The following SCFD2 variants were observed in gnomAD, a reference collection of about 807,000 sequenced individuals.
SCFD2 encodes the protein sec1 family domain containing 2.
SCFD2 carries 54 observed loss-of-function variants against 58.9 expected under a neutral mutation model. The ratio of observed to expected loss-of-function variants is 0.92; its 90% confidence interval spans 0.74 to 1.15. The LOEUF (loss-of-function observed/expected upper bound fraction) is 1.15. Ranked by LOEUF, SCFD2 falls within the 50% of genes most tolerant of loss-of-function variation. The probability of loss-of-function intolerance (pLI) is 0.00; values close to 1 mark genes in which losing one functional copy is unlikely to be tolerated. For missense variants in SCFD2, 805 were observed against 836.6 expected (o/e 0.96, Z 0.47); for synonymous variants, 321 against 335.9 (o/e 0.96, Z 0.49).
intron 4 of SCFD2, among the ~76,000 whole-genome samples, chr4:53,167,572 G>A (rs149900517): frequency 6.6e-6 from 1 of 152,234 alleles, no homozygotes; most frequent in African/African-American, 2.4e-5. Context: ...CTAGCTCCTA[G>A]GCTTTTTCTG....
At chr4:53,146,190 A>C (rs975218465) in intron 4 of SCFD2, among the ~76,000 whole-genome samples, 6 of 152,020 alleles carry the variant, frequency 3.9e-5, no homozygotes, top group Admixed American at 3.3e-4. Flanking sequence ...CATTAAATTT[A>C]AAAAAATTGC....
chr4:53,053,889 C>A (rs1723252154), intron 5 of SCFD2, among the ~76,000 whole-genome samples: 1 of 152,116 alleles, frequency 6.6e-6, no homozygotes, highest in Non-Finnish European at 1.5e-5. Context: ...AAGATCAAAT[C>A]AGTATAATTG....
intron 5 of SCFD2, among the ~76,000 whole-genome samples, chr4:53,064,437 GT>G (rs34499023): frequency 0.62 from 94,354 of 151,944 alleles, 29,782 homozygotes; most frequent in African/African-American, 0.74. Flanking sequence ...AAATGGAAGG[GT>G]GGAGACTTAT....
intron 4 of SCFD2, among the ~76,000 whole-genome samples, chr4:53,246,522 G>C (rs1168050321): frequency 1.3e-5 from 2 of 152,140 alleles, no homozygotes; most frequent in Non-Finnish European, 1.5e-5. Context: ...GAACAGAATA[G>C]AGAGCCCAGA....
chr4:53,156,558 T>C (rs1022175375), intron 4 of SCFD2, among the ~76,000 whole-genome samples: 1 of 151,722 alleles, frequency 6.6e-6, no homozygotes. Flanking sequence ...ATTAGCCGGG[T>C]GTGGTGGCAG....
At chr4:53,002,543 T>G (rs1721886536) in intron 5 of SCFD2, among the ~76,000 whole-genome samples, 1 of 152,176 alleles carries the variant, frequency 6.6e-6, no homozygotes, top group South Asian at 2.1e-4. Context: ...AATCTTGCAT[T>G]TATTCAGCAT....
intron 4 of SCFD2, among the ~76,000 whole-genome samples, chr4:53,248,493 G>A (rs1730204890): frequency 6.6e-6 from 1 of 152,224 alleles, no homozygotes; most frequent in African/African-American, 2.4e-5. Context: ...CAAAAAGACA[G>A]CAGTAACCTC....
intron 5 of SCFD2, among the ~76,000 whole-genome samples, chr4:52,921,640 G>A (rs1348976968): frequency 1.3e-5 from 2 of 152,138 alleles, no homozygotes; most frequent in African/African-American, 2.4e-5. Flanking sequence ...AGGGGACTGA[G>A]GTGCAGGTTA....
intron 5 of SCFD2, among the ~76,000 whole-genome samples, chr4:52,973,480 A>G (rs1169662771): frequency 1.3e-5 from 2 of 152,228 alleles, no homozygotes; most frequent in Non-Finnish European, 2.9e-5. Flanking sequence ...AAGAAGTTGA[A>G]TCTCTGAATA....
chr4:53,209,584 C>T (rs1037958582), intron 4 of SCFD2, among the ~76,000 whole-genome samples: 14 of 151,856 alleles, frequency 9.2e-5, no homozygotes, highest in Non-Finnish European at 1.6e-4. Flanking sequence ...GGATACATGC[C>T]CTCACTGTGT....
intron 4 of SCFD2, among the ~76,000 whole-genome samples, chr4:53,247,261 G>T (rs767867746): frequency 1.3e-5 from 2 of 152,176 alleles, no homozygotes; most frequent in Non-Finnish European, 1.5e-5. Context: ...ACAGGTGCTG[G>T]TGAGTTTGTG....
chr4:53,051,918 A>T (rs1723199533), intron 5 of SCFD2, among the ~76,000 whole-genome samples: 2 of 152,192 alleles, frequency 1.3e-5, no homozygotes, highest in African/African-American at 2.4e-5. Context: ...AAATGAGATG[A>T]GGCCATTAAA....
intron 5 of SCFD2, among the ~76,000 whole-genome samples, chr4:52,968,086 G>C (rs550509266): frequency 2.0e-5 from 3 of 152,118 alleles, no homozygotes; most frequent in Non-Finnish European, 2.9e-5. Context: ...TGTATTAATA[G>C]AGGCCATTTC....
chr4:53,242,059 G>C (rs1300989948), intron 4 of SCFD2, among the ~76,000 whole-genome samples: 2 of 152,258 alleles, frequency 1.3e-5, no homozygotes, highest in Admixed American at 1.3e-4. Flanking sequence ...CATTGCTGCA[G>C]CTGTGAATGC....
chr4:53,053,508 A>G (rs899180663), intron 5 of SCFD2, among the ~76,000 whole-genome samples: 1 of 152,186 alleles, frequency 6.6e-6, no homozygotes, highest in Non-Finnish European at 1.5e-5. Flanking sequence ...CTAAATTCTC[A>G]GCAAGGCATA....
At chr4:53,109,213 A>T (rs950329262) in intron 5 of SCFD2, among the ~76,000 whole-genome samples, 7 of 152,218 alleles carry the variant, frequency 4.6e-5, no homozygotes, top group African/African-American at 1.7e-4. Flanking sequence ...GATAAAAAGT[A>T]TCTCAAAATA....
chr4:53,139,077 G>T (rs1245062071), intron 5 of SCFD2, among the ~76,000 whole-genome samples: 1 of 152,198 alleles, frequency 6.6e-6, no homozygotes, highest in African/African-American at 2.4e-5. Context: ...CGCCATGTTG[G>T]CTGGCCTGGT....
intron 4 of SCFD2, among the ~76,000 whole-genome samples, chr4:53,246,431 A>G (rs2149031059): frequency 6.6e-6 from 1 of 152,308 alleles, no homozygotes; most frequent in South Asian, 2.1e-4. Context: ...ACATCACACT[A>G]CCCAACTTTA....
chr4:53,239,187 C>A (rs1181116777), intron 4 of SCFD2, among the ~76,000 whole-genome samples: 1 of 151,760 alleles, frequency 6.6e-6, no homozygotes, highest in African/African-American at 2.4e-5. Flanking sequence ...AGCGAAACCC[C>A]GTCTCCACCA....
Sources: allele counts gnomAD v4.1 joint callset (sites outside exome capture counted in the v4.1 genomes callset), GRCh38; gene constraint gnomAD v4.1.1; transcripts MANE v1.5; gene names NCBI Gene and HGNC (gene_info 2026-07-23, HGNC 2026-07-21).